The following ATP12A variants were observed in gnomAD, a reference collection of about 807,000 sequenced individuals.
ATP12A encodes ATPase H+/K+ transporting non-gastric alpha2 subunit, also known as potassium-transporting ATPase alpha chain 2.
In ATP12A, 81 loss-of-function variants were observed where a neutral mutation model predicts 111.2. The ratio of observed to expected loss-of-function variants is 0.73; its 90% CI spans 0.61 to 0.88. The LOEUF (loss-of-function observed/expected upper bound fraction) is 0.88. Ranked by LOEUF, ATP12A falls within the 40% of genes least tolerant of loss-of-function variation. The pLI is 0.00. For missense variants in ATP12A, 1,196 were observed against 1,313.1 expected (o/e 0.91, Z 1.38); for synonymous variants, 498 against 499.8 (o/e 1.00, Z 0.05).
In ATP12A at chr13:24,710,859, G is replaced by C; in HGVS notation, c.2965G>C (p.Gly989Arg). ...IIGLILSYGL[G>R]SVTALSFTML... ...TGGTCTGATCCTCTCCTATGGCCTC[G>C]GAAGTGTCACAGCCTTGAGTTTCAC... The change falls in exon 21 of 23, where the codon GGA becomes CGA. Residue 989 changes from glycine to arginine, a missense_variant. Coordinates refer to ENST00000381946, the MANE Select transcript of ATP12A (RefSeq NM_001676.7). 1 of 1,614,148 alleles carries C rather than the reference G, an allele frequency of 6.2e-7. No homozygotes were observed. Among genetic ancestry groups the C allele is most frequent in the Non-Finnish European group, 8.5e-7 (1 of 1,180,036 alleles).
chr13:24,707,191 G>A lies in ATP12A; in HGVS notation c.2338G>A (p.Gly780Ser). ...FASIVTGVEEGRLIFDNLKKT... is the reference protein window; with the variant it reads ...FASIVTGVEESRLIFDNLKKT... ...ATCCATCGTCACAGGGGTGGAGGAA[G>A]GTGAGTGAGTCTCAGGGGGTCTTCC... Residue 780 changes from glycine to serine, a missense_variant and splice_region_variant, in exon 16 of 23, where the codon GGT becomes AGT. This residue lies in a region of ATP12A where 1,126 missense variants were observed against 1,228.5 expected (regional missense o/e 0.92). Transcript: ENST00000381946. 6.2e-7 allele frequency: 1 copy of A among 1,613,610 alleles called. No individual in the cohort carries two copies. Among genetic ancestry groups the A allele is most frequent in the South Asian group, 1.1e-5 (1 of 90,968 alleles).
In ATP12A at chr13:24,685,490, T is replaced by A. The variant is rs1465623193; in HGVS notation, c.228+117T>A. 1 of 1,001,926 alleles carries A rather than the reference T, an allele frequency of 1.0e-6. No individual in the cohort carries two copies. Among genetic ancestry groups the A allele is most frequent in the Non-Finnish European group, 1.6e-6 (1 of 636,850 alleles). 62.1% of individuals were successfully genotyped at this position (1,001,926 alleles called of 1,614,324 possible). ...CGGCACCTTTAGGAGGAGGGGCCCC[T>A]GCAGCGCCTTTGAGACTGCAGTTAT... On this transcript the variant is annotated intron_variant, in intron 3 of 22. Transcript: ENST00000381946. The surrounding 1 kb of genome is among the most constrained non-coding windows in gnomAD (Gnocchi z 5.5).
At chr13:24,689,467 T>C in intron 5 of ATP12A, 92 bp downstream of exon 5, 2 of 1,083,060 alleles carry the variant, frequency 1.8e-6, no homozygotes, top group Non-Finnish European at 2.8e-6. Flanking sequence ...GGGCTACGGG[T>C]TTCCACTTCC....
rs377657512 is a variant in ATP12A, at chr13:24,699,820, A to G, written c.1706-927A>G. Among the ~76,000 whole-genome samples the G allele has an allele frequency of 1.5e-4, 23 of 152,314 alleles. No homozygotes were observed. The South Asian group carries it at 4.6e-3, about 30-fold the overall frequency. ...GACAAATTCAAGGAAACAGAAGTGT[A>G]TGGTTGACGATCCGGCTCATTAAAC... On this transcript the variant is annotated intron_variant, in intron 12 of 22. Transcript: ENST00000381946.
At position 24,701,831 on chromosome 13, in the gene ATP12A, C is replaced by T. The variant is rs1236665609; in HGVS notation, c.1882-104C>T. On this transcript the variant is annotated intron_variant, in intron 13 of 22. Coordinates refer to ENST00000381946, the MANE Select transcript of ATP12A (RefSeq NM_001676.7). ...CAGAGCTGCCACTGTAATCACCAAC[C>T]ACGTTCTCCCAGGGCACTACAGAGT... 8.9e-6 allele frequency: 13 copies of T among 1,457,936 alleles called. No homozygotes were observed. The Admixed American group carries it at 2.1e-4, about 24-fold the overall frequency. The allele number at this position is 1,457,936 out of a possible 1,614,324, so 90.3% of individuals were successfully genotyped here.
intron 3 of ATP12A, among the ~76,000 whole-genome samples, chr13:24,686,141 C>T (rs1874654892): frequency 6.6e-6 from 1 of 152,054 alleles, no homozygotes; most frequent in Admixed American, 6.6e-5. Context: ...GAAATAATGT[C>T]GAAAGACATT....
Position 24,711,131 on chromosome 13 carries a change from A to G in ATP12A, c.3000-187A>G, listed in dbSNP as rs566953245. ...CCAACAGGTTGCTTCAAAGGCAGAC[A>G]TTGCTTCTAGCAGTCACAGTGCAGG... On this transcript the variant is annotated intron_variant, in intron 21 of 22. Coordinates refer to ENST00000381946, the MANE Select transcript of ATP12A (RefSeq NM_001676.7). Among the ~76,000 whole-genome samples, 20 of 152,350 alleles carry G rather than the reference A, an allele frequency of 1.3e-4. No homozygotes were observed. In the South Asian group the frequency reaches 4.1e-3, roughly 32 times the overall value.
At position 24,680,708 on chromosome 13, in the gene ATP12A, C is replaced by A; in HGVS notation, c.-36C>A. ...CCGCCGCTGCGGTCCCGGATCCGCGCTCCACGCCCGCAGCCCGCGGCGCCA... is the reference window on the plus strand; with the variant it reads ...CCGCCGCTGCGGTCCCGGATCCGCGATCCACGCCCGCAGCCCGCGGCGCCA... On this transcript the variant is annotated 5_prime_UTR_variant, in exon 1 of 23. Transcript: ENST00000381946. The A allele has an allele frequency of 6.7e-7, 1 of 1,502,104 alleles. No individual in the cohort carries two copies. Among genetic ancestry groups the A allele is most frequent in the African/African-American group, 1.5e-5 (1 of 68,902 alleles). The allele number at this position is 1,502,104 out of a possible 1,614,324, so 93.0% of individuals were successfully genotyped here.
chr13:24,694,879 A>G (rs994232694), intron 11 of ATP12A, among the ~76,000 whole-genome samples: 8 of 151,910 alleles, frequency 5.3e-5, no homozygotes, highest in African/African-American at 1.9e-4. Flanking sequence ...ACACACACAC[A>G]CACACACTCA....
intron 1 of ATP12A, among the ~76,000 whole-genome samples, 154 bp downstream of exon 1, chr13:24,680,906 G>A (rs559287964): frequency 6.6e-6 from 1 of 152,238 alleles, no homozygotes; most frequent in Non-Finnish European, 1.5e-5. Context: ...GCGCCCCCCG[G>A]CCTGGGCACC....
At chr13:24,689,731 C>T (rs943689430) in intron 5 of ATP12A, among the ~76,000 whole-genome samples, 1 of 152,076 alleles carries the variant, frequency 6.6e-6, no homozygotes, top group African/African-American at 2.4e-5. Flanking sequence ...CATTTTTGCT[C>T]CTGAGCCCCA....
intron 2 of ATP12A, among the ~76,000 whole-genome samples, chr13:24,682,512 A>G (rs1020288747): frequency 6.6e-6 from 1 of 152,000 alleles, no homozygotes; most frequent in African/African-American, 2.4e-5. Flanking sequence ...CAGAAGGAAG[A>G]GCCTCTGATT....
At chr13:24,684,098 C>G (rs1874580936) in intron 2 of ATP12A, among the ~76,000 whole-genome samples, 1 of 124,150 alleles carries the variant, frequency 8.1e-6, no homozygotes, top group Non-Finnish European at 1.7e-5. Flanking sequence ...CATCCCCCAG[C>G]CCAGGAAGTC....
chr13:24,680,605 G>T lies in ATP12A; in HGVS notation c.-139G>T. 6 of 1,043,554 alleles carry T rather than the reference G, an allele frequency of 5.7e-6. No homozygotes were observed. Among genetic ancestry groups the T allele is most frequent in the Non-Finnish European group, 6.7e-6 (5 of 746,638 alleles). 64.6% of individuals were successfully genotyped at this position (1,043,554 alleles called of 1,614,324 possible). ...CCGCGGAGGTGCGTGCAGGGCCCGC[G>T]CCGCCGCCGGTATCTCCACCGCCAA... On this transcript the variant is annotated 5_prime_UTR_variant, in exon 1 of 23. Transcript: ENST00000381946.
chr13:24,681,768 G>C (rs1199473530), intron 2 of ATP12A, 48 bp downstream of exon 2: 2 of 1,608,700 alleles, frequency 1.2e-6, no homozygotes, highest in Non-Finnish European at 1.7e-6. Flanking sequence ...GCCCTTCCCC[G>C]CAAGAGCTTG....
chr13:24,686,523 G>A (rs1874673027), intron 3 of ATP12A, among the ~76,000 whole-genome samples: 1 of 151,672 alleles, frequency 6.6e-6, no homozygotes, highest in Non-Finnish European at 1.5e-5. Context: ...GGCGGATCAC[G>A]AGGTCAGGAG....
intron 1 of ATP12A, 41 bp from the exon 2 acceptor site, chr13:24,681,521 C>T: frequency 6.3e-7 from 1 of 1,596,456 alleles, no homozygotes; most frequent in South Asian, 1.1e-5. Flanking sequence ...TCTTCGGAAA[C>T]CCCATTTGGG....
intron 14 of ATP12A, among the ~76,000 whole-genome samples, chr13:24,705,335 C>T (rs530738887): frequency 5.3e-5 from 8 of 152,294 alleles, no homozygotes; most frequent in Non-Finnish European, 1.0e-4. Context: ...CAAGGTGAGG[C>T]GAAGCTTGAC....
At chr13:24,690,256 T>A in intron 5 of ATP12A, 82 bp from the exon 6 acceptor site, 2 of 1,568,160 alleles carry the variant, frequency 1.3e-6, no homozygotes, top group Non-Finnish European at 1.7e-6. Flanking sequence ...GCCTCTGTCC[T>A]GGGGTTCGGT....
Sources: allele counts gnomAD v4.1 joint callset (sites outside exome capture counted in the v4.1 genomes callset), GRCh38; gene constraint gnomAD v4.1.1; regional missense constraint gnomAD v4.1.1; non-coding constraint Gnocchi (gnomAD v3.1); transcripts MANE v1.5; gene names NCBI Gene and HGNC (gene_info 2026-07-23, HGNC 2026-07-21).